RHOA: variants seen among roughly 807,000 people sequenced by gnomAD.
RHOA encodes transforming protein RhoA.
In RHOA, 3 loss-of-function variants were observed where a neutral mutation model predicts 17.5. The ratio of observed to expected loss-of-function variants is 0.17; its 90% CI spans 0.08 to 0.44. The LOEUF (loss-of-function observed/expected upper bound fraction) is 0.44. Ranked by LOEUF, RHOA falls within the 20% of genes least tolerant of loss-of-function variation. The pLI, the probability that RHOA is intolerant of heterozygous loss-of-function variation, is 0.99. For synonymous variants in RHOA, 98 were observed against 88.4 expected (o/e 1.11, Z -0.61); for missense variants, 56 against 242.3 (o/e 0.23, Z 5.10).
At chr3:49,403,914 CCT>C (rs1453742016) in intron 1 of RHOA, among the ~76,000 whole-genome samples, 4 of 151,728 alleles carry the variant, frequency 2.6e-5, no homozygotes. Flanking sequence ...AGTAGTAAGC[CCT>C]GTTTTATTCC....
chr3:49,400,713 T>G (rs1160483296), intron 1 of RHOA, among the ~76,000 whole-genome samples: 1 of 151,438 alleles, frequency 6.6e-6, no homozygotes, highest in Non-Finnish European at 1.5e-5. Context: ...AGAGCAAGAT[T>G]GTAGCCAAAA....
intron 1 of RHOA, among the ~76,000 whole-genome samples, chr3:49,387,668 C>A (rs545767314): frequency 6.7e-6 from 1 of 150,104 alleles, no homozygotes; most frequent in East Asian, 2.0e-4. Flanking sequence ...TGGTGTGAAC[C>A]CGGGAGCAGA....
intron 1 of RHOA, among the ~76,000 whole-genome samples, chr3:49,383,234 C>T (rs183404724): frequency 3.3e-5 from 5 of 151,842 alleles, no homozygotes; most frequent in Middle Eastern, 3.4e-3. Context: ...GAGATCGAGA[C>T]CATCCCGGCT....
chr3:49,382,925 G>C (rs1013488694), intron 1 of RHOA, among the ~76,000 whole-genome samples: 2 of 151,700 alleles, frequency 1.3e-5, no homozygotes, highest in East Asian at 3.9e-4. Context: ...CGTGGTGGTG[G>C]GCACCTGTAA....
At chr3:49,373,808 A>G (rs1227869153) in intron 2 of RHOA, among the ~76,000 whole-genome samples, 2 of 151,630 alleles carry the variant, frequency 1.3e-5, no homozygotes, top group African/African-American at 4.8e-5. Context: ...TTTATTTAAG[A>G]GAAAAAAAAA....
At chr3:49,371,147 G>A (rs575316892) in intron 2 of RHOA, among the ~76,000 whole-genome samples, 125 of 152,142 alleles carry the variant, frequency 8.2e-4, no homozygotes, top group African/African-American at 2.8e-3. Context: ...CTCTATTGGC[G>A]CTTGATAAAA....
intron 3 of RHOA, among the ~76,000 whole-genome samples, chr3:49,368,098 G>C (rs1221674433): frequency 6.6e-6 from 1 of 151,760 alleles, no homozygotes; most frequent in Non-Finnish European, 1.5e-5. Flanking sequence ...TTTTAGTAAA[G>C]ACGGGGTTTC....
chr3:49,395,375 G>A (rs562281152), intron 1 of RHOA, among the ~76,000 whole-genome samples: 88 of 152,234 alleles, frequency 5.8e-4, no homozygotes, highest in African/African-American at 2.0e-3. Context: ...GTAAGGAAGG[G>A]AAAGCCACTG....
At position 49,362,340 on chromosome 3, in the gene RHOA, T is replaced by C. The variant is rs144648358; in HGVS notation, c.408+156A>G. ...GGTGAACTATCTTAGGGATCTTCTG[T>C]GAAGATCCCAATTAATGAGGGTCAG... On this transcript the variant is annotated intron_variant, in intron 4 of 4. Coordinates refer to ENST00000418115, the MANE Select transcript of RHOA (RefSeq NM_001664.4). 1.1e-4 allele frequency among the ~76,000 whole-genome samples: 16 copies of C among 152,126 alleles called. No individual in the cohort carries two copies. In the East Asian group the frequency reaches 2.9e-3, roughly 28 times the overall value.
chr3:49,386,497 G>C (rs982574052), intron 1 of RHOA, among the ~76,000 whole-genome samples: 3 of 152,136 alleles, frequency 2.0e-5, no homozygotes, highest in African/African-American at 4.8e-5. Context: ...AACGTCAGTC[G>C]CACTGCTAGC....
intron 1 of RHOA, among the ~76,000 whole-genome samples, chr3:49,404,042 G>A (rs892596517): frequency 4.7e-5 from 6 of 126,902 alleles, no homozygotes; most frequent in East Asian, 1.9e-4. Flanking sequence ...GCTCATGCCC[G>A]TACTTGCAGC....
intron 1 of RHOA, among the ~76,000 whole-genome samples, chr3:49,380,212 G>A (rs1221734385): frequency 6.6e-6 from 1 of 152,156 alleles, no homozygotes; most frequent in Non-Finnish European, 1.5e-5. Flanking sequence ...CCTGGTATGT[G>A]AGAATGAATG....
chr3:49,360,802 G>A, intron 4 of RHOA: 1 of 181,122 alleles, frequency 5.5e-6, no homozygotes, highest in Non-Finnish European at 1.2e-5. Flanking sequence ...TTGGCTGGGT[G>A]TGGTGGCTCA....
intron 1 of RHOA, among the ~76,000 whole-genome samples, chr3:49,404,956 A>T (rs1353133567): frequency 6.9e-6 from 1 of 144,900 alleles, no homozygotes; most frequent in Admixed American, 7.0e-5. Flanking sequence ...AAAAAATAAT[A>T]AAAAAAGTAG....
intron 2 of RHOA, 81 bp downstream of exon 2, chr3:49,375,352 GC>G: frequency 1.3e-5 from 17 of 1,358,698 alleles, no homozygotes; most frequent in Non-Finnish European, 1.6e-5. Context: ...TACTGAAGAG[GC>G]AAAAAGCTCT....
chr3:49,382,910 G>A (rs1336151712), intron 1 of RHOA, among the ~76,000 whole-genome samples: 1 of 150,490 alleles, frequency 6.6e-6, no homozygotes, highest in Non-Finnish European at 1.5e-5. Context: ...CAAAAATTAG[G>A]TGGGCGTGGT....
chr3:49,375,520 CTA>C lies in RHOA; in HGVS notation c.68_69del (p.Ile23SerfsTer17). ...DGACGKTCLL[I>X]VFSKDQFPEV... is the part of the protein sequence containing the mutation. ...TCTGGGAACTGGTCCTTGCTGAAGA[CTA>C]TGAGCAAGCATGTCTTTCCACAGGC... On this transcript the variant is annotated frameshift_variant, in exon 2 of 5. Coordinates refer to ENST00000418115, the MANE Select transcript of RHOA (RefSeq NM_001664.4). LOFTEE classifies it high-confidence loss of function. 6.2e-7 allele frequency: 1 copy of C among 1,614,118 alleles called. No individual in the cohort carries two copies. The highest frequency in any genetic ancestry group is 8.5e-7 in the Non-Finnish European group (1 of 1,179,980).
At chr3:49,371,733 C>G (rs548014660) in intron 2 of RHOA, among the ~76,000 whole-genome samples, 1 of 152,286 alleles carries the variant, frequency 6.6e-6, no homozygotes, top group African/African-American at 2.4e-5. Flanking sequence ...GTGAGAACCT[C>G]CCCCTATCTT....
Position 49,360,266 on chromosome 3 carries a change from C to T in RHOA, c.525G>A (p.Thr175=), listed in dbSNP as rs148308900. ...DGVREVFEMA[T]RAALQARRGK... The stretch of plus-strand genomic sequence containing the variant: ...CACGTCTAGCTTGCAGAGCAGCTCT[C>T]GTAGCCATTTCAAAAACCTCTCTCA... The change falls in exon 5 of 5, where the codon ACG becomes ACA. Residue 175 remains threonine, a synonymous_variant. Transcript: ENST00000418115. 3.7e-5 allele frequency: 59 copies of T among 1,614,118 alleles called. No homozygotes were observed. The South Asian group carries it at 5.7e-4, about 16-fold the overall frequency.
Sources: allele counts gnomAD v4.1 joint callset (sites outside exome capture counted in the v4.1 genomes callset), GRCh38; gene constraint gnomAD v4.1.1; transcripts MANE v1.5; gene names NCBI Gene and HGNC (gene_info 2026-07-23, HGNC 2026-07-21).